NRXN3: variants seen among roughly 807,000 people sequenced by gnomAD.
NRXN3 encodes neurexin 3.
In NRXN3, 32 loss-of-function variants were observed where a neutral mutation model predicts 137.6. That is an observed-to-expected ratio of 0.23 (90% CI 0.18 to 0.31). NRXN3 has a LOEUF of 0.31. NRXN3 is among the 10% of genes least tolerant of loss of function. NRXN3 has a pLI of 1.00. For missense variants in NRXN3, 1,574 were observed against 2,062.5 expected, an observed-to-expected ratio of 0.76 and a Z score of 4.59; for synonymous variants, 798 against 784.5, an observed-to-expected ratio of 1.02 and a Z score of -0.29.
chr14:78,335,667 C>T (rs1425573241), intron 4 of NRXN3, among the ~76,000 whole-genome samples: 1 of 152,226 alleles, frequency 6.6e-6, no homozygotes, highest in East Asian at 1.9e-4. Flanking sequence ...ATTCCTTCCT[C>T]CCACCTGCCT....
At chr14:78,638,419 A>C (rs1056690541) in intron 4 of NRXN3, among the ~76,000 whole-genome samples, 4 of 152,086 alleles carry the variant, frequency 2.6e-5, no homozygotes, top group African/African-American at 9.7e-5. Flanking sequence ...GATCTCTCTT[A>C]ATGCTTTCTT....
intron 15 of NRXN3, among the ~76,000 whole-genome samples, chr14:79,122,653 T>C (rs765976797): frequency 3.6e-4 from 55 of 152,246 alleles, no homozygotes; most frequent in Non-Finnish European, 7.1e-4. Context: ...GAATATGTAG[T>C]GATTAGGTTT....
At chr14:79,548,847 T>C (rs569482647) in intron 16 of NRXN3, among the ~76,000 whole-genome samples, 117 of 151,858 alleles carry the variant, frequency 7.7e-4, no homozygotes, top group African/African-American at 2.8e-3. Flanking sequence ...AAGGCAAAAA[T>C]GCCAATGTCG....
chr14:79,839,607 G>A (rs2099351523), intron 20 of NRXN3, among the ~76,000 whole-genome samples: 1 of 152,118 alleles, frequency 6.6e-6, no homozygotes, highest in African/African-American at 2.4e-5. Context: ...TCTTCACTTT[G>A]TAGATTGTTT....
intron 19 of NRXN3, among the ~76,000 whole-genome samples, chr14:79,728,735 C>G (rs1314829973): frequency 6.6e-6 from 1 of 152,174 alleles, no homozygotes; most frequent in Non-Finnish European, 1.5e-5. Flanking sequence ...CTGTCAAAGA[C>G]TGATATTGTC....
chr14:78,901,141 A>C (rs1215946138), intron 10 of NRXN3, among the ~76,000 whole-genome samples: 1 of 151,980 alleles, frequency 6.6e-6, no homozygotes, highest in Non-Finnish European at 1.5e-5. Context: ...AAAATGCCTT[A>C]TTCATCAATT....
At chr14:79,747,982 A>G (rs934585279) in intron 19 of NRXN3, among the ~76,000 whole-genome samples, 3 of 151,898 alleles carry the variant, frequency 2.0e-5, no homozygotes, top group Non-Finnish European at 1.5e-5. Flanking sequence ...ACATGTTCTC[A>G]CTCAAAAGTG....
chr14:79,722,498 G>C (rs2098848145), intron 19 of NRXN3, among the ~76,000 whole-genome samples: 1 of 151,914 alleles, frequency 6.6e-6, no homozygotes, highest in Admixed American at 6.6e-5. Context: ...TTTGTACCTT[G>C]TACAAATGTA....
Position 79,626,123 on chromosome 14 carries a change from T to A in NRXN3, c.3445-37655T>A, listed in dbSNP as rs985077663. 5.3e-5 allele frequency among the ~76,000 whole-genome samples: 8 copies of A among 152,320 alleles called. 1 individual carries two copies. Among genetic ancestry groups the A allele is most frequent in the African/African-American group, 1.9e-4 (8 of 41,562 alleles). On this transcript the variant is annotated intron_variant, in intron 16 of 20. Coordinates refer to ENST00000335750, the MANE Select transcript of NRXN3 (RefSeq NM_001330195.2). ...TTTTCATGTCTCTGTAACACAGCAC[T>A]CTGTTTAGTAGTTACATAAATAGTG...
In NRXN3 at chr14:78,170,632, C is replaced by T. The variant is rs932527223; in HGVS notation, c.-746C>T. The T allele has an allele frequency of 3.9e-5, 6 of 152,196 alleles. No individual in the cohort carries two copies. Among genetic ancestry groups the T allele is most frequent in the Non-Finnish European group, 8.8e-5 (6 of 68,048 alleles). 9.4% of individuals were successfully genotyped at this position (152,196 alleles called of 1,614,324 possible). On this transcript the variant is annotated 5_prime_UTR_variant, in exon 1 of 21. Coordinates refer to ENST00000335750, the MANE Select transcript of NRXN3 (RefSeq NM_001330195.2). ...CAAACTCAGTTGATTAAACATCAAACAGACATACAGACAGATCCCAAATCT... is the reference window on the plus strand; with the variant it reads ...CAAACTCAGTTGATTAAACATCAAATAGACATACAGACAGATCCCAAATCT...
chr14:78,820,384 A>G (rs1216715259), intron 10 of NRXN3, among the ~76,000 whole-genome samples: 1 of 143,192 alleles, frequency 7.0e-6, no homozygotes, highest in Non-Finnish European at 1.5e-5. Context: ...ACAGTTTCCA[A>G]TTTTGGGAAG....
intron 15 of NRXN3, among the ~76,000 whole-genome samples, chr14:79,130,675 A>T (rs1481458882): frequency 6.6e-6 from 1 of 152,118 alleles, no homozygotes; most frequent in Non-Finnish European, 1.5e-5. Flanking sequence ...GCTCTTCTCG[A>T]GGAGTACCTT....
chr14:78,318,126 A>C (rs1219602598), intron 4 of NRXN3, among the ~76,000 whole-genome samples: 1 of 152,188 alleles, frequency 6.6e-6, no homozygotes, highest in East Asian at 1.9e-4. Flanking sequence ...CTGTGAAATC[A>C]TCCTATTTCC....
At chr14:79,645,976 G>A (rs575106143) in intron 16 of NRXN3, among the ~76,000 whole-genome samples, 1 of 135,868 alleles carries the variant, frequency 7.4e-6, no homozygotes, top group South Asian at 2.3e-4. Flanking sequence ...CCACTTTACT[G>A]GAGGCTTGTG....
At chr14:79,304,149 G>A (rs1037297364) in intron 15 of NRXN3, among the ~76,000 whole-genome samples, 1 of 152,054 alleles carries the variant, frequency 6.6e-6, no homozygotes, top group South Asian at 2.1e-4. Flanking sequence ...ATAGAGATTG[G>A]TGGTGTGGGA....
intron 1 of NRXN3, among the ~76,000 whole-genome samples, chr14:78,208,157 T>C (rs1438192969): frequency 6.6e-6 from 1 of 152,206 alleles, no homozygotes; most frequent in African/African-American, 2.4e-5. Context: ...GAGTTAATAT[T>C]TGTGATATGC....
At chr14:79,359,342 C>G (rs558745860) in intron 15 of NRXN3, among the ~76,000 whole-genome samples, 7 of 152,190 alleles carry the variant, frequency 4.6e-5, no homozygotes, top group Middle Eastern at 3.4e-3. Flanking sequence ...TGATTCCCTA[C>G]AGAGTTATTT....
chr14:79,082,223 A>AT (rs2047179050), intron 15 of NRXN3, among the ~76,000 whole-genome samples: 1 of 152,142 alleles, frequency 6.6e-6, no homozygotes, highest in African/African-American at 2.4e-5. Context: ...TGTACGTAAA[A>AT]TTTAGGTGTT....
chr14:78,660,253 TTATATA>T (rs373491178), intron 6 of NRXN3, among the ~76,000 whole-genome samples: 3 of 139,702 alleles, frequency 2.1e-5, no homozygotes, highest in Admixed American at 7.0e-5. Context: ...AGAAGTAGAT[TTATATA>T]TATATATATA....
Sources: gnomAD v4.1 joint callset for allele counts (sites outside exome capture counted in the v4.1 genomes callset) on GRCh38, gnomAD v4.1.1 for gene constraint, MANE v1.5 for transcripts, NCBI Gene and HGNC (gene_info 2026-07-23, HGNC 2026-07-21) for gene names.